Variants in ZNF652 observed in about 807,000 individuals in gnomAD.
The protein encoded by ZNF652 is zinc finger protein 652.
Under a neutral mutation model 45.2 loss-of-function variants are expected in ZNF652, and 16 were observed. That is an observed-to-expected ratio of 0.35 (90% CI 0.24 to 0.54). ZNF652 has a LOEUF of 0.54. Ranked by LOEUF, ZNF652 falls within the 20% of genes least tolerant of loss-of-function variation. The pLI is 0.91. For missense variants in ZNF652, 614 were observed against 765.6 expected, an observed-to-expected ratio of 0.80 and a Z score of 2.34; for synonymous variants, 250 against 260.6, an observed-to-expected ratio of 0.96 and a Z score of 0.39.
At chr17:49,312,952 A>G (rs754267447) in intron 2 of ZNF652, 107 bp from the exon 3 acceptor site, 121 of 1,122,562 alleles carry the variant, frequency 1.1e-4, no homozygotes, top group Non-Finnish European at 1.4e-4. Flanking sequence ...CAAGGCCAGA[A>G]TCCAGATAAG....
intron 5 of ZNF652, among the ~76,000 whole-genome samples, chr17:49,310,213 A>G (rs2069691167): frequency 6.6e-6 from 1 of 152,164 alleles, no homozygotes; most frequent in Non-Finnish European, 1.5e-5. Context: ...TTGGCCTCCC[A>G]AAGTGCTGGG....
chr17:49,318,990 G>T (rs972744750), intron 1 of ZNF652, among the ~76,000 whole-genome samples: 8 of 152,128 alleles, frequency 5.3e-5, no homozygotes, highest in Non-Finnish European at 8.8e-5. Context: ...CAGTAAGTCG[G>T]TGATTTTTTA....
chr17:49,327,286 C>T (rs1224387062), intron 1 of ZNF652, among the ~76,000 whole-genome samples: 9 of 152,100 alleles, frequency 5.9e-5, no homozygotes, highest in Admixed American at 5.9e-4. Context: ...CCTCAGCCTC[C>T]CTAGTAGCTG....
chr17:49,299,805 T>C (rs996104922), intron 5 of ZNF652, among the ~76,000 whole-genome samples: 3 of 149,620 alleles, frequency 2.0e-5, no homozygotes, highest in African/African-American at 7.4e-5. Context: ...GCCTCCCAAA[T>C]AGCTGGGACT....
chr17:49,311,157 C>G (rs1408597934), intron 5 of ZNF652, among the ~76,000 whole-genome samples, 155 bp downstream of exon 5: 1 of 152,172 alleles, frequency 6.6e-6, no homozygotes, highest in Admixed American at 6.5e-5. Flanking sequence ...TTTTCAGTAT[C>G]ACTAATCTAT....
At chr17:49,325,503 GAC>G (rs1227161951) in intron 1 of ZNF652, among the ~76,000 whole-genome samples, 6 of 152,274 alleles carry the variant, frequency 3.9e-5, no homozygotes, top group African/African-American at 1.4e-4. Flanking sequence ...ACCAAAATGT[GAC>G]ACAGAGACAC....
chr17:49,352,369 G>T (rs1438741528), intron 1 of ZNF652, among the ~76,000 whole-genome samples: 2 of 152,096 alleles, frequency 1.3e-5, no homozygotes, highest in Non-Finnish European at 2.9e-5. Context: ...TATGAGAGAT[G>T]AGGAAACAAG....
chr17:49,356,747 GA>G (rs1274591789), intron 1 of ZNF652, among the ~76,000 whole-genome samples: 9 of 152,052 alleles, frequency 5.9e-5, no homozygotes, highest in Non-Finnish European at 1.0e-4. Context: ...AGAAAATAAG[GA>G]TTAGCAGATT....
chr17:49,344,302 T>C (rs902679441), intron 1 of ZNF652, among the ~76,000 whole-genome samples: 1 of 151,808 alleles, frequency 6.6e-6, no homozygotes, highest in African/African-American at 2.4e-5. Context: ...GAGTTCAAAG[T>C]TGCAATGAGC....
At chr17:49,302,602 T>A (rs2069569360) in intron 5 of ZNF652, among the ~76,000 whole-genome samples, 1 of 151,952 alleles carries the variant, frequency 6.6e-6, no homozygotes. Flanking sequence ...AATGTAATTA[T>A]TAACATCAAA....
At chr17:49,353,952 T>C (rs1169391170) in intron 1 of ZNF652, among the ~76,000 whole-genome samples, 2 of 152,152 alleles carry the variant, frequency 1.3e-5, no homozygotes, top group Non-Finnish European at 2.9e-5. Flanking sequence ...AAAAATATCT[T>C]AAAAAATCTA....
At chr17:49,348,213 C>A (rs1242459015) in intron 1 of ZNF652, among the ~76,000 whole-genome samples, 1 of 152,000 alleles carries the variant, frequency 6.6e-6, no homozygotes, top group African/African-American at 2.4e-5. Context: ...TGCAAGGAGG[C>A]TGCGCATGGT....
chr17:49,358,468 C>A (rs1345724724), intron 1 of ZNF652, among the ~76,000 whole-genome samples: 1 of 152,178 alleles, frequency 6.6e-6, no homozygotes, highest in Non-Finnish European at 1.5e-5. Flanking sequence ...ACAAGACAAT[C>A]CACTTTTTTT....
At chr17:49,315,394 A>G (rs1006031528) in intron 2 of ZNF652, among the ~76,000 whole-genome samples, 2 of 152,180 alleles carry the variant, frequency 1.3e-5, no homozygotes, top group Admixed American at 6.5e-5. Flanking sequence ...GGAGCTATAC[A>G]TAAGAACAAA....
chr17:49,301,447 G>A (rs2069551457), intron 5 of ZNF652, among the ~76,000 whole-genome samples: 1 of 152,056 alleles, frequency 6.6e-6, no homozygotes, highest in African/African-American at 2.4e-5. Flanking sequence ...ACAGGCATGT[G>A]CCACCACACC....
At chr17:49,308,080 C>A in intron 5 of ZNF652, among the ~76,000 whole-genome samples, 1 of 150,422 alleles carries the variant, frequency 6.6e-6, no homozygotes, top group Non-Finnish European at 1.5e-5. Context: ...TGTGTATATG[C>A]CAAAATGTTA....
chr17:49,357,928 T>G (rs914033956), intron 1 of ZNF652, among the ~76,000 whole-genome samples: 1 of 152,156 alleles, frequency 6.6e-6, no homozygotes, highest in African/African-American at 2.4e-5. Flanking sequence ...TATTTGCAAT[T>G]TTTTCATCCC....
At chr17:49,334,006 C>T (rs1178353519) in intron 1 of ZNF652, among the ~76,000 whole-genome samples, 1 of 152,032 alleles carries the variant, frequency 6.6e-6, no homozygotes, top group Admixed American at 6.6e-5. Flanking sequence ...ACATATGACT[C>T]AGCAATTCCA....
intron 5 of ZNF652, 149 bp downstream of exon 5, chr17:49,311,163 T>C: frequency 4.0e-6 from 3 of 755,758 alleles, no homozygotes; most frequent in East Asian, 2.8e-5. Flanking sequence ...GTATCACTAA[T>C]CTATATTTTT....
Sources: gnomAD v4.1 joint callset for allele counts (sites outside exome capture counted in the v4.1 genomes callset) on GRCh38, gnomAD v4.1.1 for gene constraint, MANE v1.5 for transcripts, NCBI Gene and HGNC (gene_info 2026-07-23, HGNC 2026-07-21) for gene names.